The following DMXL2 variants were observed in gnomAD, a reference collection of about 807,000 sequenced individuals.
DMXL2 encodes the protein Dmx like 2.
A neutral mutation model predicts 331.1 loss-of-function variants in DMXL2; 103 were observed. The ratio of observed to expected loss-of-function variants is 0.31; its 90% CI spans 0.27 to 0.37. DMXL2 has a LOEUF of 0.37. Among genes scored for constraint, DMXL2 ranks in the 10% least tolerant of loss-of-function variants. The pLI is 1.00. For synonymous variants in DMXL2, 1,281 were observed against 1,252.1 expected, an observed-to-expected ratio of 1.02 and a Z score of -0.49; for missense variants, 3,171 against 3,642.9, an observed-to-expected ratio of 0.87 and a Z score of 3.33.
intron 18 of DMXL2, 92 bp downstream of exon 18, chr15:51,498,460 T>C: frequency 7.6e-7 from 1 of 1,316,304 alleles, no homozygotes; most frequent in Non-Finnish European, 1.0e-6. Context: ...GTTTGAAAGT[T>C]GAGACTGCAA....
intron 13 of DMXL2, among the ~76,000 whole-genome samples, chr15:51,529,335 A>T (rs1385100586): frequency 1.1e-4 from 17 of 152,106 alleles, no homozygotes; most frequent in African/African-American, 3.6e-4. Context: ...TTTTGAAAAG[A>T]TAAAACAAAA....
intron 17 of DMXL2, among the ~76,000 whole-genome samples, chr15:51,502,562 A>T (rs1488289864): frequency 6.6e-6 from 1 of 152,098 alleles, no homozygotes; most frequent in East Asian, 1.9e-4. Flanking sequence ...ACCTCAAGTG[A>T]TCCACCCACC....
chr15:51,585,427 C>G (rs190272826), intron 1 of DMXL2, among the ~76,000 whole-genome samples: 112 of 152,226 alleles, frequency 7.4e-4, no homozygotes, highest in African/African-American at 2.6e-3. Flanking sequence ...ATTCATTCTT[C>G]TTAATAGCTG....
intron 22 of DMXL2, among the ~76,000 whole-genome samples, chr15:51,486,741 T>A (rs931659115): frequency 6.6e-6 from 1 of 152,174 alleles, no homozygotes; most frequent in Non-Finnish European, 1.5e-5. Context: ...GTAAATAAAT[T>A]ATGAAATACA....
intron 25 of DMXL2, 51 bp from the exon 26 acceptor site, chr15:51,478,398 C>T (rs755589189): frequency 1.3e-6 from 2 of 1,511,352 alleles, no homozygotes; most frequent in Non-Finnish European, 1.8e-6. Flanking sequence ...TTCTACACAA[C>T]AGTAATATTT....
intron 34 of DMXL2, 84 bp from the exon 35 acceptor site, chr15:51,458,879 G>A: frequency 1.7e-6 from 2 of 1,168,606 alleles, no homozygotes; most frequent in Non-Finnish European, 2.5e-6. Flanking sequence ...TTAAATGTAG[G>A]ATAAGAAGAA....
At chr15:51,613,226 G>A (rs898322929) in intron 1 of DMXL2, among the ~76,000 whole-genome samples, 1 of 152,184 alleles carries the variant, frequency 6.6e-6, no homozygotes, top group African/African-American at 2.4e-5. Context: ...GTAAAGACAG[G>A]CATAGGAAAT....
At chr15:51,516,743 A>G (rs1317593971) in intron 14 of DMXL2, among the ~76,000 whole-genome samples, 1 of 152,214 alleles carries the variant, frequency 6.6e-6, no homozygotes, top group African/African-American at 2.4e-5. Flanking sequence ...TCACCCAAGT[A>G]GTGTACACTG....
In DMXL2 at chr15:51,507,144, T is replaced by C. The variant is rs1311029118; in HGVS notation, c.2754A>G (p.Gln918=). ...ACTATAATTACTTACCTAAACATGC[T>C]TGTACAGATTTAAGATGAAGGTGCC... The part of the protein sequence containing the change: ...HMWHLHLKSV[Q]ACLAKASEGA... The change falls in exon 16 of 44, where the codon CAA becomes CAG. Residue 918 remains glutamine (Q), a synonymous_variant. Transcript: ENST00000560891. 1.9e-6 allele frequency: 3 copies of C among 1,604,320 alleles called. No homozygotes were observed. The highest frequency in any genetic ancestry group is 4.5e-5 in the East Asian group (2 of 44,638).
intron 28 of DMXL2, among the ~76,000 whole-genome samples, chr15:51,473,937 G>A (rs960437942): frequency 5.9e-5 from 9 of 151,742 alleles, no homozygotes; most frequent in Non-Finnish European, 8.8e-5. Context: ...GCTGGTATGC[G>A]CTAAAGATTT....
chr15:51,601,183 C>T (rs548034646), intron 1 of DMXL2, among the ~76,000 whole-genome samples: 159 of 150,124 alleles, frequency 1.1e-3, no homozygotes, highest in African/African-American at 3.7e-3. Flanking sequence ...CCCAGCTACT[C>T]GGGAGGCTGA....
At chr15:51,515,524 C>G (rs527257603) in intron 14 of DMXL2, among the ~76,000 whole-genome samples, 1 of 152,128 alleles carries the variant, frequency 6.6e-6, no homozygotes. Flanking sequence ...TCTTCACATT[C>G]ATTGTCTAGG....
intron 6 of DMXL2, among the ~76,000 whole-genome samples, chr15:51,562,972 T>C (rs2141035820): frequency 6.6e-6 from 1 of 152,212 alleles, no homozygotes; most frequent in South Asian, 2.1e-4. Context: ...TTGAAGGACA[T>C]GGAAGGAAAT....
chr15:51,473,292 G>C (rs778556755), intron 28 of DMXL2, among the ~76,000 whole-genome samples: 1 of 152,140 alleles, frequency 6.6e-6, no homozygotes, highest in Non-Finnish European at 1.5e-5. Flanking sequence ...TTGCCTGATA[G>C]GTGTTAAGTG....
intron 33 of DMXL2, chr15:51,459,911 G>C: frequency 8.9e-7 from 1 of 1,124,684 alleles, no homozygotes; most frequent in Non-Finnish European, 1.1e-6. Flanking sequence ...ATAAAAATTA[G>C]TTATCTGTAT....
At chr15:51,544,030 T>C (rs1336891088) in intron 8 of DMXL2, among the ~76,000 whole-genome samples, 1 of 152,200 alleles carries the variant, frequency 6.6e-6, no homozygotes, top group Non-Finnish European at 1.5e-5. Flanking sequence ...TAAATATCAA[T>C]ATCAAAATAA....
At chr15:51,620,447 T>C (rs904665192) in intron 1 of DMXL2, among the ~76,000 whole-genome samples, 7 of 152,234 alleles carry the variant, frequency 4.6e-5, no homozygotes, top group African/African-American at 1.7e-4. Context: ...GATCAGTATG[T>C]AACAGAGGGG....
Position 51,538,199 on chromosome 15 carries a change from C to T in DMXL2, c.1345+14G>A, listed in dbSNP as rs755840805. The T allele has an allele frequency of 3.7e-6, 6 of 1,600,666 alleles. No individual in the cohort carries two copies. The South Asian group carries it at 5.6e-5, about 15-fold the overall frequency. On this transcript the variant is annotated intron_variant, in intron 10 of 43. Transcript: ENST00000560891. ...AACTTTGGAGTAAGTAAAATCTGAA[C>T]ACAGGATACTAACCATGGTCTAATT...
chr15:51,463,516 T>A lies in DMXL2; in HGVS notation c.7809-20A>T. 1.5e-6 allele frequency: 2 copies of A among 1,361,804 alleles called. No homozygotes were observed. The highest frequency in any genetic ancestry group is 2.0e-6 in the Non-Finnish European group (2 of 979,332). The allele number at this position is 1,361,804 out of a possible 1,614,324, so 84.4% of individuals were successfully genotyped here. A position where few individuals can be genotyped will look rare whatever the true frequency, so the allele number is the denominator to read the frequency against. On this transcript the variant is annotated intron_variant, in intron 32 of 43. Coordinates refer to ENST00000560891, the MANE Select transcript of DMXL2 (RefSeq NM_001378457.1). ...CGGGACCTATTAAAAAAAATTAACA[T>A]ATCACACTACTTTAGTCTATAGAAA...
Sources: gnomAD v4.1 joint callset for allele counts (sites outside exome capture counted in the v4.1 genomes callset) on GRCh38, gnomAD v4.1.1 for gene constraint, MANE v1.5 for transcripts, NCBI Gene and HGNC (gene_info 2026-07-23, HGNC 2026-07-21) for gene names.